The following SLCO1B3 variants were observed in gnomAD, a reference collection of about 807,000 sequenced individuals.
The protein encoded by SLCO1B3 is solute carrier organic anion transporter family member 1B3, also known as liver-specific organic anion transporter 2.
Under a neutral mutation model 71.8 loss-of-function variants are expected in SLCO1B3, and 72 were observed. The ratio of observed to expected loss-of-function variants is 1.00; its 90% CI spans 0.83 to 1.22. SLCO1B3 has a LOEUF of 1.22. Ranked by LOEUF, SLCO1B3 falls within the 50% of genes most tolerant of loss-of-function variation. SLCO1B3 has a pLI of 0.00. For missense variants in SLCO1B3, 911 were observed against 819.7 expected (o/e 1.11, Z -1.36); for synonymous variants, 298 against 278.4 (o/e 1.07, Z -0.70).
chr12:20,815,266 C>G (rs1426141707), intron 2 of SLCO1B3, among the ~76,000 whole-genome samples: 2 of 152,044 alleles, frequency 1.3e-5, no homozygotes, highest in Non-Finnish European at 2.9e-5. Flanking sequence ...CCACTATGTG[C>G]AAGTCATCAT....
intron 3 of SLCO1B3, among the ~76,000 whole-genome samples, chr12:20,831,356 C>CAAAAAAA (rs35410136): frequency 5.0e-4 from 46 of 91,182 alleles, no homozygotes; most frequent in Non-Finnish European, 7.1e-4. Flanking sequence ...GACGCCATAT[C>CAAAAAAA]AAAAAAAAAA....
chr12:20,885,966 T>C (rs1475103006), intron 13 of SLCO1B3, among the ~76,000 whole-genome samples: 2 of 152,102 alleles, frequency 1.3e-5, no homozygotes, highest in Non-Finnish European at 2.9e-5. Flanking sequence ...CAAAAGGCTA[T>C]GATCATTCTT....
chr12:20,845,156 G>A (rs1291039126), intron 3 of SLCO1B3: 4 of 463,420 alleles, frequency 8.6e-6, no homozygotes, highest in East Asian at 6.1e-5. Context: ...GAGCTCACCG[G>A]GCTGATTGTG....
intron 3 of SLCO1B3, among the ~76,000 whole-genome samples, chr12:20,818,632 T>G (rs1864234698): frequency 1.3e-5 from 2 of 152,158 alleles, no homozygotes; most frequent in Non-Finnish European, 2.9e-5. Flanking sequence ...CACTAAGAAG[T>G]TATTTCCTTG....
intron 3 of SLCO1B3, among the ~76,000 whole-genome samples, chr12:20,824,320 T>C (rs1456945965): frequency 6.6e-6 from 1 of 152,182 alleles, no homozygotes; most frequent in Non-Finnish European, 1.5e-5. Flanking sequence ...TGCTCAATAT[T>C]GGATCAGCAA....
chr12:20,904,321 T>C (rs1866191120), intron 15 of SLCO1B3, among the ~76,000 whole-genome samples: 1 of 151,476 alleles, frequency 6.6e-6, no homozygotes, highest in Non-Finnish European at 1.5e-5. Flanking sequence ...ATGGGAGAAA[T>C]TGGCCAAAAC....
chr12:20,875,646 C>A (rs890279437), intron 9 of SLCO1B3, among the ~76,000 whole-genome samples, 169 bp downstream of exon 9: 1 of 151,966 alleles, frequency 6.6e-6, no homozygotes, highest in Non-Finnish European at 1.5e-5. Flanking sequence ...ACAAATATGT[C>A]TTGAGTACAT....
chr12:20,901,944 G>A, intron 15 of SLCO1B3: 1 of 424,782 alleles, frequency 2.4e-6, no homozygotes, highest in South Asian at 1.7e-5. Context: ...AGATTATCTG[G>A]AAGAAACAAA....
intron 15 of SLCO1B3, among the ~76,000 whole-genome samples, chr12:20,914,749 G>A (rs971584751): frequency 1.9e-4 from 29 of 152,012 alleles, no homozygotes; most frequent in Non-Finnish European, 2.1e-4. Context: ...TCTTTATTTC[G>A]ACTTAGCTTT....
intron 12 of SLCO1B3, among the ~76,000 whole-genome samples, chr12:20,881,632 C>A (rs943352844): frequency 2.6e-5 from 4 of 151,988 alleles, no homozygotes; most frequent in African/African-American, 9.7e-5. Context: ...CACTGATTGC[C>A]AACATATCCA....
At chr12:20,835,257 G>A (rs146515130) in intron 3 of SLCO1B3, among the ~76,000 whole-genome samples, 2 of 152,282 alleles carry the variant, frequency 1.3e-5, no homozygotes, top group East Asian at 1.9e-4. Flanking sequence ...CGTGATGGGC[G>A]TGGCTGCTCC....
At chr12:20,849,878 G>A (rs1423883537) in intron 3 of SLCO1B3, among the ~76,000 whole-genome samples, 4 of 151,732 alleles carry the variant, frequency 2.6e-5, no homozygotes, top group Admixed American at 1.3e-4. Context: ...ATCACACACT[G>A]TAAACTATAA....
intron 3 of SLCO1B3, among the ~76,000 whole-genome samples, chr12:20,821,438 G>T (rs575667801): frequency 6.6e-6 from 1 of 152,254 alleles, no homozygotes; most frequent in South Asian, 2.1e-4. Context: ...GGAGAAGAAG[G>T]AGGAATGGAA....
At chr12:20,843,059 T>C (rs540204048) in intron 3 of SLCO1B3, among the ~76,000 whole-genome samples, 1 of 152,154 alleles carries the variant, frequency 6.6e-6, no homozygotes, top group Non-Finnish European at 1.5e-5. Context: ...GTACTCAGTT[T>C]TGTTGTATGC....
intron 3 of SLCO1B3, among the ~76,000 whole-genome samples, chr12:20,836,806 T>C (rs1864691522): frequency 6.6e-6 from 1 of 152,062 alleles, no homozygotes; most frequent in African/African-American, 2.4e-5. Flanking sequence ...CACGCCTGGC[T>C]AATTTTTTGT....
At chr12:20,889,179 G>T (rs1347883540) in intron 13 of SLCO1B3, among the ~76,000 whole-genome samples, 1 of 148,150 alleles carries the variant, frequency 6.7e-6, no homozygotes, top group East Asian at 2.0e-4. Context: ...TTATGTACTT[G>T]CCTGGCTTTG....
chr12:20,909,366 G>C (rs1301765327), intron 15 of SLCO1B3, among the ~76,000 whole-genome samples: 2 of 148,724 alleles, frequency 1.3e-5, no homozygotes, highest in East Asian at 4.0e-4. Context: ...GTAGAGACAG[G>C]GTTTCGCCAT....
intron 8 of SLCO1B3, among the ~76,000 whole-genome samples, chr12:20,874,345 C>T (rs1037754184): frequency 1.4e-4 from 21 of 152,152 alleles, no homozygotes; most frequent in South Asian, 4.1e-4. Flanking sequence ...AATTATCTTA[C>T]TGGTTTTTAT....
intron 2 of SLCO1B3, among the ~76,000 whole-genome samples, chr12:20,814,631 C>G (rs1320379744): frequency 6.6e-6 from 1 of 152,056 alleles, no homozygotes; most frequent in Non-Finnish European, 1.5e-5. Context: ...TGGTTCACGC[C>G]TGTAATCCCA....
Sources: gnomAD v4.1 joint callset for allele counts (sites outside exome capture counted in the v4.1 genomes callset) on GRCh38, gnomAD v4.1.1 for gene constraint, MANE v1.5 for transcripts, NCBI Gene and HGNC (gene_info 2026-07-23, HGNC 2026-07-21) for gene names.